The following EXOC6B variants were observed in gnomAD, a reference collection of about 807,000 sequenced individuals.
The protein encoded by EXOC6B is SEC15 homolog B.
Under a neutral mutation model 113.5 loss-of-function variants are expected in EXOC6B, and 54 were observed. The ratio of observed to expected loss-of-function variants is 0.48; its 90% CI spans 0.38 to 0.60. The LOEUF (loss-of-function observed/expected upper bound fraction) is 0.60. EXOC6B is among the 20% of genes least tolerant of loss of function. EXOC6B has a pLI of 0.00. For missense variants in EXOC6B, 797 were observed against 977.5 expected, an observed-to-expected ratio of 0.82 and a Z score of 2.46; for synonymous variants, 357 against 339.0, an observed-to-expected ratio of 1.05 and a Z score of -0.58.
intron 8 of EXOC6B, among the ~76,000 whole-genome samples, chr2:72,540,130 A>C (rs1191804762): frequency 1.3e-5 from 2 of 151,812 alleles, no homozygotes; most frequent in African/African-American, 2.4e-5. Flanking sequence ...TGAACTCATC[A>C]TTTTTTATGG....
intron 18 of EXOC6B, among the ~76,000 whole-genome samples, chr2:72,415,426 G>A (rs1694462489): frequency 6.6e-6 from 1 of 151,066 alleles, no homozygotes; most frequent in Admixed American, 6.6e-5. Context: ...AAAACAAACA[G>A]AAAACACCTA....
chr2:72,621,480 A>G (rs183105191), intron 6 of EXOC6B, among the ~76,000 whole-genome samples: 447 of 152,280 alleles, frequency 2.9e-3, no homozygotes, highest in Non-Finnish European at 4.9e-3. Flanking sequence ...TAAACATGGG[A>G]AAAATAAACA....
intron 1 of EXOC6B, among the ~76,000 whole-genome samples, chr2:72,754,931 G>A (rs1260530937): frequency 3.9e-5 from 6 of 151,984 alleles, no homozygotes; most frequent in East Asian, 1.9e-4. Flanking sequence ...AGTCTAGTTC[G>A]ATAAGGAATA....
At chr2:72,821,893 G>A (rs1438520133) in intron 1 of EXOC6B, among the ~76,000 whole-genome samples, 2 of 152,082 alleles carry the variant, frequency 1.3e-5, no homozygotes, top group East Asian at 3.8e-4. Context: ...GCACAACTCT[G>A]CGAATATACA....
chr2:72,266,610 C>G (rs1243950444), intron 20 of EXOC6B, among the ~76,000 whole-genome samples: 2 of 151,982 alleles, frequency 1.3e-5, no homozygotes, highest in African/African-American at 4.8e-5. Flanking sequence ...TTCCATTGAT[C>G]TATATCTCTG....
At chr2:72,713,444 T>G (rs1011238542) in intron 6 of EXOC6B, among the ~76,000 whole-genome samples, 1 of 152,124 alleles carries the variant, frequency 6.6e-6, no homozygotes, top group African/African-American at 2.4e-5. Context: ...CTTTTATTAT[T>G]ATTATACTTT....
intron 6 of EXOC6B, among the ~76,000 whole-genome samples, chr2:72,708,896 A>ATTTTTTT (rs1159794341): frequency 3.2e-4 from 22 of 69,804 alleles, no homozygotes; most frequent in East Asian, 1.1e-3. Context: ...CATCCAGCTA[A>ATTTTTTT]TTTTTTTTTT....
intron 18 of EXOC6B, among the ~76,000 whole-genome samples, chr2:72,401,549 A>ATATATATATATATATATATATGTG (rs1693220103): frequency 6.4e-5 from 1 of 15,692 alleles, no homozygotes; most frequent in South Asian, 2.2e-3. Context: ...ATATATGTGT[A>ATATATATATATATATATATATGTG]TATATATATA....
chr2:72,657,275 G>C (rs1310276967), intron 6 of EXOC6B, among the ~76,000 whole-genome samples: 1 of 146,452 alleles, frequency 6.8e-6, no homozygotes, highest in East Asian at 2.0e-4. Flanking sequence ...GGCCAGGCTG[G>C]ACTGCAGTGG....
chr2:72,643,509 A>C (rs1376888029), intron 6 of EXOC6B, among the ~76,000 whole-genome samples: 1 of 148,876 alleles, frequency 6.7e-6, no homozygotes. Flanking sequence ...AAACTATCGC[A>C]AGAACAAAAA....
intron 2 of EXOC6B, among the ~76,000 whole-genome samples, chr2:72,734,231 C>T (rs1443930611): frequency 1.3e-5 from 2 of 152,148 alleles, no homozygotes; most frequent in Non-Finnish European, 2.9e-5. Context: ...TTACCATATG[C>T]ACCTCCATCC....
chr2:72,231,582 A>G lies in EXOC6B; in HGVS notation c.2197-47395T>C, dbSNP rs552559108. Among the ~76,000 whole-genome samples the G allele has an allele frequency of 4.6e-5, 7 of 152,280 alleles. No homozygotes were observed. The South Asian group carries it at 1.5e-3, about 32-fold the overall frequency. ...ACTGGGAAAATGTCTTCCTTTAGTA[A>G]ATATGAAAAAAGAGTAGTAACTCTA... On this transcript the variant is annotated intron_variant, in intron 20 of 21. Transcript: ENST00000272427.
intron 5 of EXOC6B, among the ~76,000 whole-genome samples, chr2:72,723,210 A>T (rs1680112936): frequency 6.6e-6 from 1 of 152,230 alleles, no homozygotes; most frequent in African/African-American, 2.4e-5. Context: ...CTGAATCAAA[A>T]GGCAAATTCC....
rs1237385156 is a variant in EXOC6B at position 72,823,459 on chromosome 2, G to GAAAAAAAAAAAAAA, written c.113+2325_113+2338dup. ...CCAACTTCTCAAATCAAAGTTTTAA[G>GAAAAAAAAAAAAAA]AAAAAAAAAAAAAAAAAAACAAAAA... On this transcript the variant is annotated intron_variant, in intron 1 of 21. Transcript: ENST00000272427. Among the ~76,000 whole-genome samples the GAAAAAAAAAAAAAA allele has an allele frequency of 2.4e-4, 17 of 69,970 alleles. 2 individuals carry two copies. Among genetic ancestry groups the GAAAAAAAAAAAAAA allele is most frequent in the Admixed American group, 5.8e-4 (3 of 5,202 alleles). The allele number at this position is 69,970 out of a possible 152,430, so 45.9% of individuals were successfully genotyped here.
intron 16 of EXOC6B, 26 bp downstream of exon 16, chr2:72,492,292 G>A: frequency 6.9e-7 from 1 of 1,444,168 alleles, no homozygotes; most frequent in Non-Finnish European, 9.7e-7. Flanking sequence ...TACTGGCTCG[G>A]CTGCCTTCAT....
intron 5 of EXOC6B, among the ~76,000 whole-genome samples, chr2:72,719,193 C>G (rs977012960): frequency 2.0e-5 from 3 of 152,122 alleles, no homozygotes; most frequent in Non-Finnish European, 1.5e-5. Flanking sequence ...AGCAGCTTTC[C>G]TGAGATGAGG....
At chr2:72,727,259 T>G (rs1680355957) in intron 5 of EXOC6B, among the ~76,000 whole-genome samples, 1 of 152,196 alleles carries the variant, frequency 6.6e-6, no homozygotes, top group Admixed American at 6.5e-5. Context: ...ACAGTAGATT[T>G]AAACCCGTAT....
chr2:72,260,630 G>T (rs972621573), intron 20 of EXOC6B, among the ~76,000 whole-genome samples: 1 of 152,108 alleles, frequency 6.6e-6, no homozygotes, highest in African/African-American at 2.4e-5. Flanking sequence ...CAAGGGGAGT[G>T]GGGGAGTAAA....
intron 1 of EXOC6B, among the ~76,000 whole-genome samples, chr2:72,765,309 TAAATAA>T (rs1290087326): frequency 6.6e-6 from 1 of 151,840 alleles, no homozygotes; most frequent in African/African-American, 2.4e-5. Context: ...AAAATAAAAA[TAAATAA>T]ATGAATACCT....
Sources: gnomAD v4.1 joint callset for allele counts (sites outside exome capture counted in the v4.1 genomes callset) on GRCh38, gnomAD v4.1.1 for gene constraint, MANE v1.5 for transcripts, NCBI Gene and HGNC (gene_info 2026-07-23, HGNC 2026-07-21) for gene names.